The following GLI3 variants were observed in gnomAD, a reference collection of about 807,000 sequenced individuals.
The protein encoded by GLI3 is transcription activator GLI3.
GLI3 carries 20 observed loss-of-function variants against 100.8 expected under a neutral mutation model. That is an observed-to-expected ratio of 0.20 (90% CI 0.14 to 0.29). GLI3 has a LOEUF of 0.29. Among genes scored for constraint, GLI3 ranks in the 10% least tolerant of loss-of-function variants. GLI3 has a pLI of 1.00. For synonymous variants in GLI3, 938 were observed against 860.5 expected, an observed-to-expected ratio of 1.09 and a Z score of -1.58; for missense variants, 2,040 against 2,128.5, an observed-to-expected ratio of 0.96 and a Z score of 0.82.
chr7:42,128,325 G>A (rs73325669), intron 3 of GLI3, among the ~76,000 whole-genome samples: 3,057 of 152,008 alleles, frequency 0.02, 110 homozygotes, highest in African/African-American at 0.069. Flanking sequence ...CTACCAGTTG[G>A]ATATGGTTGT....
At chr7:42,080,646 A>G (rs1784978059) in intron 3 of GLI3, among the ~76,000 whole-genome samples, 1 of 152,238 alleles carries the variant, frequency 6.6e-6, no homozygotes. Context: ...ACTATAGCTT[A>G]ACAGGATAAA....
At chr7:42,234,861 C>G (rs1190527442) in intron 1 of GLI3, among the ~76,000 whole-genome samples, 4 of 152,160 alleles carry the variant, frequency 2.6e-5, no homozygotes, top group African/African-American at 7.2e-5. Flanking sequence ...AAAATAAACT[C>G]TCTACTCTGT....
intron 7 of GLI3, among the ~76,000 whole-genome samples, chr7:42,030,242 G>C (rs846285): frequency 6.6e-6 from 1 of 151,760 alleles, no homozygotes; most frequent in Non-Finnish European, 1.5e-5. Context: ...CCCTCTCACA[G>C]GGGACCCTGT....
At chr7:42,226,933 A>G (rs1788592394) in intron 1 of GLI3, among the ~76,000 whole-genome samples, 1 of 152,198 alleles carries the variant, frequency 6.6e-6, no homozygotes, top group African/African-American at 2.4e-5. Context: ...GGTCCATTCA[A>G]GCATTCGGGA....
intron 3 of GLI3, among the ~76,000 whole-genome samples, chr7:42,119,055 G>C (rs76730664): frequency 0.021 from 3,214 of 152,280 alleles, 44 homozygotes; most frequent in Non-Finnish European, 0.031. Flanking sequence ...GGGCTGATAG[G>C]AGCTTCCCTC....
chr7:42,071,641 C>T (rs913696480), intron 4 of GLI3, among the ~76,000 whole-genome samples: 3 of 152,196 alleles, frequency 2.0e-5, no homozygotes, highest in African/African-American at 7.2e-5. Flanking sequence ...CCCTGGTCAT[C>T]TACTTACTAT....
In GLI3 at chr7:41,965,092, G is replaced by A; in HGVS notation, c.3981C>T (p.Leu1327=). 1 of 1,613,808 alleles carries A rather than the reference G, an allele frequency of 6.2e-7. No individual in the cohort carries two copies. The highest frequency in any genetic ancestry group is 8.5e-7 in the Non-Finnish European group (1 of 1,180,020). ...PVGQGYLAHQ[L]LGDSMQHPGA... is the part of the protein sequence containing the mutation. ...CCGGGTGCTGCATGCTGTCGCCGAG[G>A]AGCTGGTGAGCCAGGTACCCCTGTC... is the stretch of plus-strand genomic sequence containing the variant. Residue 1327 remains leucine (L), a synonymous_variant, in exon 15 of 15, where the codon CTC becomes CTT. Coordinates refer to ENST00000395925, the MANE Select transcript of GLI3 (RefSeq NM_000168.6).
intron 10 of GLI3, among the ~76,000 whole-genome samples, chr7:42,010,731 C>T (rs572888662): frequency 2.9e-4 from 44 of 152,238 alleles, no homozygotes; most frequent in African/African-American, 1.1e-3. Context: ...AAGGCCAAAC[C>T]TTCCTTATAT....
In GLI3 at chr7:42,091,072, G is replaced by A. The variant is rs78207834; in HGVS notation, c.368-14215C>T. ...CCTGGGCCTGTGGTCAGAAGGGCCC[G>A]AGCATGGTTTAATGTTACGCGCAGT... is the stretch of plus-strand genomic sequence containing the variant. On this transcript the variant is annotated intron_variant, in intron 3 of 14. Transcript: ENST00000395925. 3.0e-3 allele frequency among the ~76,000 whole-genome samples: 460 copies of A among 152,344 alleles called. 2 individuals are homozygous for A. The highest frequency in any genetic ancestry group is 0.01 in the African/African-American group (431 of 41,580).
intron 10 of GLI3, among the ~76,000 whole-genome samples, chr7:42,003,423 A>G (rs981772030): frequency 3.3e-5 from 5 of 152,162 alleles, no homozygotes; most frequent in African/African-American, 1.2e-4. Flanking sequence ...AATTTCAGAA[A>G]CTCATTCCTG....
chr7:42,016,182 C>A (rs1003236733), intron 10 of GLI3, among the ~76,000 whole-genome samples: 2 of 152,086 alleles, frequency 1.3e-5, no homozygotes, highest in Admixed American at 1.3e-4. Flanking sequence ...TTTGGTGTAA[C>A]CACCGAAGAA....
intron 2 of GLI3, among the ~76,000 whole-genome samples, chr7:42,206,319 G>C (rs1449509702): frequency 6.6e-6 from 1 of 151,446 alleles, no homozygotes; most frequent in Non-Finnish European, 1.5e-5. Context: ...ATTCTAAAGG[G>C]ATACTTTTAA....
At chr7:42,216,406 A>G (rs1788378211) in intron 2 of GLI3, among the ~76,000 whole-genome samples, 1 of 152,238 alleles carries the variant, frequency 6.6e-6, no homozygotes, top group African/African-American at 2.4e-5. Context: ...TCTGTAGCAT[A>G]CTGCAGTGGT....
intron 10 of GLI3, among the ~76,000 whole-genome samples, chr7:41,992,732 C>T (rs187103247): frequency 6.6e-6 from 1 of 152,196 alleles, no homozygotes; most frequent in East Asian, 1.9e-4. Context: ...CAGAGCATGT[C>T]ATCATGTGGG....
intron 1 of GLI3, among the ~76,000 whole-genome samples, chr7:42,262,298 C>T (rs1366431662): frequency 1.4e-5 from 2 of 145,748 alleles, no homozygotes; most frequent in African/African-American, 2.5e-5. Context: ...CTCACTCTGT[C>T]ATCCAGGCTG....
chr7:42,045,587 C>G, intron 5 of GLI3, 57 bp from the exon 6 acceptor site: 2 of 1,540,422 alleles, frequency 1.3e-6, no homozygotes, highest in Non-Finnish European at 1.8e-6. Context: ...CTAGAAGTTT[C>G]TCTTGAGGCA....
At chr7:42,150,646 C>T (rs549753011) in intron 2 of GLI3, among the ~76,000 whole-genome samples, 2 of 152,184 alleles carry the variant, frequency 1.3e-5, no homozygotes, top group African/African-American at 4.8e-5. Flanking sequence ...AATTAGCATT[C>T]TCTGGGAAAG....
chr7:41,993,395 C>A (rs577418830), intron 10 of GLI3, among the ~76,000 whole-genome samples: 27 of 152,268 alleles, frequency 1.8e-4, no homozygotes, highest in African/African-American at 6.5e-4. Flanking sequence ...ACTCATCGCC[C>A]CGCTCGATCC....
chr7:42,046,657 T>C (rs1323233617), intron 5 of GLI3, among the ~76,000 whole-genome samples: 2 of 152,154 alleles, frequency 1.3e-5, no homozygotes, highest in African/African-American at 4.8e-5. Flanking sequence ...TGGTATGACT[T>C]TCCACTAGCC....
Sources: allele counts gnomAD v4.1 joint callset (sites outside exome capture counted in the v4.1 genomes callset), GRCh38; gene constraint gnomAD v4.1.1; transcripts MANE v1.5; gene names NCBI Gene and HGNC (gene_info 2026-07-23, HGNC 2026-07-21).